EYA1: variants seen among roughly 807,000 people sequenced by gnomAD.
EYA1 encodes EYA transcriptional coactivator and phosphatase 1.
A neutral mutation model predicts 82.0 loss-of-function variants in EYA1; 16 were observed. That is an observed-to-expected ratio of 0.20 (90% CI 0.13 to 0.30). The LOEUF (loss-of-function observed/expected upper bound fraction) is 0.30. Among genes scored for constraint, EYA1 ranks in the 10% least tolerant of loss-of-function variants. EYA1 has a pLI of 1.00. For synonymous variants in EYA1, 261 were observed against 264.4 expected (o/e 0.99, Z 0.12); for missense variants, 633 against 730.7 (o/e 0.87, Z 1.54).
intron 2 of EYA1, among the ~76,000 whole-genome samples, chr8:71,507,964 T>G (rs555363303): frequency 3.3e-5 from 5 of 152,294 alleles, no homozygotes; most frequent in African/African-American, 1.2e-4. Flanking sequence ...ATGAATTCAT[T>G]ATCTTCATAT....
rs188520723 is a variant in EYA1 at position 71,456,094 on chromosome 8, T to G, written c.33+79650A>C. 4.4e-3 allele frequency among the ~76,000 whole-genome samples: 671 copies of G among 150,884 alleles called. 11 individuals carry two copies. The highest frequency in any genetic ancestry group is 0.024 in the Admixed American group (370 of 15,242). On this transcript the variant is annotated intron_variant, in intron 2 of 18. Coordinates refer to the EYA1 transcript ENST00000643681. ...CAAAATCAATGTGCAAAAATCACAA[T>G]CATTCTTATACACCAATAACAGACA... is the stretch of plus-strand genomic sequence containing the variant.
intron 2 of EYA1, among the ~76,000 whole-genome samples, chr8:71,504,824 C>T (rs936279038): frequency 3.9e-5 from 6 of 152,116 alleles, no homozygotes; most frequent in African/African-American, 1.4e-4. Context: ...TTTTTTGAGA[C>T]ACAGTCTCCC....
chr8:71,532,824 TG>T (rs1814397815), intron 2 of EYA1, among the ~76,000 whole-genome samples: 1 of 152,206 alleles, frequency 6.6e-6, no homozygotes, highest in Admixed American at 6.5e-5. Flanking sequence ...TTAGGTTATA[TG>T]GATTTTACTT....
intron 2 of EYA1, among the ~76,000 whole-genome samples, chr8:71,431,990 G>C (rs955126546): frequency 2.6e-5 from 4 of 152,068 alleles, no homozygotes; most frequent in African/African-American, 7.2e-5. Context: ...TATTTATATT[G>C]CATGGAATAC....
intron 2 of EYA1, among the ~76,000 whole-genome samples, chr8:71,393,564 T>G (rs1405406575): frequency 6.6e-6 from 1 of 152,168 alleles, no homozygotes; most frequent in Non-Finnish European, 1.5e-5. Flanking sequence ...TCTGTCCTTG[T>G]GATAGTTTGC....
chr8:71,299,586 C>A, intron 8 of EYA1, 52 bp downstream of exon 8: 2 of 996,202 alleles, frequency 2.0e-6, no homozygotes, highest in South Asian at 1.3e-5. Flanking sequence ...ATAAGAAAAT[C>A]ATGTTGCATT....
chr8:71,363,305 A>G (rs1317500728), upstream of EYA1, among the ~76,000 whole-genome samples: 1 of 152,222 alleles, frequency 6.6e-6, no homozygotes, highest in Non-Finnish European at 1.5e-5. Context: ...ATGTAAATGA[A>G]AGCACCATTC....
intron 11 of EYA1, among the ~76,000 whole-genome samples, chr8:71,264,240 C>T (rs1367282396): frequency 6.6e-6 from 1 of 152,152 alleles, no homozygotes; most frequent in Non-Finnish European, 1.5e-5. Flanking sequence ...AAATCCTCCA[C>T]CAAAAGAGCT....
In EYA1 at chr8:71,340,851, T is replaced by C. The variant is rs141626567; in HGVS notation, c.125-6677A>G. Among the ~76,000 whole-genome samples, 271 of 152,296 alleles carry C rather than the reference T, an allele frequency of 1.8e-3. 2 individuals are homozygous for C. The highest frequency in any genetic ancestry group is 6.1e-3 in the African/African-American group (253 of 41,558). On this transcript the variant is annotated intron_variant, in intron 3 of 17. Transcript: ENST00000340726. ...ACGTTTGGCTTGCGTTGAAATTCAATATTTATTGAGGGAATGGATAAAGAT... is the reference window on the plus strand; with the variant it reads ...ACGTTTGGCTTGCGTTGAAATTCAACATTTATTGAGGGAATGGATAAAGAT...
rs766352837 is a variant in EYA1 at position 71,198,463 on chromosome 8, A to G, written c.*877T>C. ...TAAAAAAAAAAAATCCATTATCTAC[A>G]TATTTATACCGAAAACTCAGATAAG... On this transcript the variant is annotated 3_prime_UTR_variant, in exon 18 of 18. Transcript: ENST00000340726. 6 of 152,576 alleles carry G rather than the reference A, an allele frequency of 3.9e-5. No homozygotes were observed. The highest frequency in any genetic ancestry group is 8.8e-5 in the Non-Finnish European group (6 of 68,028). The allele number at this position is 152,576 out of a possible 1,614,324, so 9.5% of individuals were successfully genotyped here.
intron 12 of EYA1, among the ~76,000 whole-genome samples, chr8:71,238,523 T>C (rs1211987621): frequency 6.6e-6 from 1 of 152,144 alleles, no homozygotes; most frequent in Non-Finnish European, 1.5e-5. Context: ...GGTTTATTCA[T>C]ATATTCTTCA....
chr8:71,349,193 C>T (rs558679987), intron 3 of EYA1, among the ~76,000 whole-genome samples: 3 of 152,302 alleles, frequency 2.0e-5, no homozygotes, highest in South Asian at 4.1e-4. Flanking sequence ...CACACACTCA[C>T]GCACACCAGA....
intron 2 of EYA1, among the ~76,000 whole-genome samples, chr8:71,368,137 C>T (rs142034939): frequency 4.3e-4 from 65 of 152,158 alleles, no homozygotes; most frequent in Non-Finnish European, 4.3e-4. Context: ...CAGAGTAAAG[C>T]AAAGCCAAAG....
At chr8:71,450,485 T>C (rs373570504) in intron 2 of EYA1, among the ~76,000 whole-genome samples, 1 of 152,236 alleles carries the variant, frequency 6.6e-6, no homozygotes, top group South Asian at 2.1e-4. Context: ...CATCGTCTTA[T>C]ATGGGCATGG....
At chr8:71,207,921 T>C (rs1808023882) in intron 17 of EYA1, among the ~76,000 whole-genome samples, 1 of 152,234 alleles carries the variant, frequency 6.6e-6, no homozygotes, top group Admixed American at 6.5e-5. Flanking sequence ...GGTACTGTTG[T>C]AAATGAATTG....
intron 11 of EYA1, among the ~76,000 whole-genome samples, chr8:71,264,035 T>A (rs774171525): frequency 6.6e-6 from 1 of 152,224 alleles, no homozygotes; most frequent in Non-Finnish European, 1.5e-5. Flanking sequence ...GGCAAGCATA[T>A]GGCCCGCAAA....
intron 2 of EYA1, among the ~76,000 whole-genome samples, chr8:71,461,279 T>A (rs185199819): frequency 6.6e-6 from 1 of 150,866 alleles, no homozygotes; most frequent in African/African-American, 2.4e-5. Context: ...CAAGGGGGAG[T>A]CATGCATGGA....
chr8:71,284,108 G>A (rs1009849360), intron 9 of EYA1, among the ~76,000 whole-genome samples: 7 of 152,164 alleles, frequency 4.6e-5, no homozygotes, highest in African/African-American at 1.7e-4. Flanking sequence ...TTGTCAATGA[G>A]GAGGCCAGAG....
At chr8:71,533,200 G>A (rs1237063018) in intron 2 of EYA1, among the ~76,000 whole-genome samples, 1 of 152,196 alleles carries the variant, frequency 6.6e-6, no homozygotes, top group East Asian at 1.9e-4. Flanking sequence ...TATGACACAA[G>A]GTGTAGGTTA....
Sources: allele counts gnomAD v4.1 joint callset (sites outside exome capture counted in the v4.1 genomes callset), GRCh38; gene constraint gnomAD v4.1.1; transcripts MANE v1.5; gene names NCBI Gene and HGNC (gene_info 2026-07-23, HGNC 2026-07-21).